The following CCNK variants were observed in gnomAD, a reference collection of about 807,000 sequenced individuals.
CCNK encodes the protein cyclin-K.
In CCNK, 9 loss-of-function variants were observed where a neutral mutation model predicts 65.0. The observed-to-expected ratio is 0.14, with a 90% confidence interval of 0.08 to 0.24. CCNK has a LOEUF of 0.24. CCNK is among the 10% of genes least tolerant of loss of function. The pLI, the probability that CCNK is intolerant of heterozygous loss-of-function variation, is 1.00. For missense variants in CCNK, 474 were observed against 720.0 expected, an observed-to-expected ratio of 0.66 and a Z score of 3.91; for synonymous variants, 279 against 270.8, an observed-to-expected ratio of 1.03 and a Z score of -0.30.
intron 8 of CCNK, chr14:99,503,278 G>A (rs1190942381): frequency 3.8e-5 from 24 of 623,650 alleles, no homozygotes; most frequent in Middle Eastern, 4.3e-4. Flanking sequence ...TAGCAGTGTC[G>A]TTGTGCATGC....
Position 99,510,223 on chromosome 14 carries a change from A to G in CCNK, c.1184A>G (p.Asp395Gly). 1 of 1,594,924 alleles carries G rather than the reference A, an allele frequency of 6.3e-7. No individual in the cohort carries two copies. The highest frequency in any genetic ancestry group is 8.5e-7 in the Non-Finnish European group (1 of 1,174,394). ...CCGCCGGGCCCTGTGGATGCCACTG[A>G]CCTCCCCAAAGTCCAGATTCCCCCT... ...AEPPGPVDAT[D>G]LPKVQIPPPA... Residue 395 changes from aspartate to glycine, a missense_variant, in exon 11 of 11, where the codon GAC (aspartate) becomes GGC (glycine). Around this residue, in one of 6 missense-constraint regions of CCNK, gnomAD observed 229 missense variants for 275.5 expected, o/e 0.83. Transcript: ENST00000389879.
intron 3 of CCNK, 33 bp downstream of exon 3, chr14:99,493,628 C>T (rs375306155): frequency 7.3e-6 from 10 of 1,378,572 alleles, no homozygotes; most frequent in African/African-American, 7.2e-5. Flanking sequence ...AATTCTCTGT[C>T]ATATGTTATT....
rs749646615 is a variant in CCNK at position 99,507,085 on chromosome 14, C to T, written c.1055C>T (p.Pro352Leu). Reference protein sequence around the residue: ...KEENKAAEPPPPKIPKIETTH... With the variant: ...KEENKAAEPPLPKIPKIETTH... ...TGCTTTTTCTTTGTAGAACCACCACCACCTAAAATCCCCAAAATTGAGACC... is the reference window on the plus strand; with the variant it reads ...TGCTTTTTCTTTGTAGAACCACCACTACCTAAAATCCCCAAAATTGAGACC... The change falls in exon 10 of 11, where the codon CCA becomes CTA. Residue 352 changes from proline (P) to leucine (L), a missense_variant. By Grantham distance (98) the Pro-to-Leu change is moderately conservative. Transcript: ENST00000389879. 2 of 1,606,262 alleles carry T rather than the reference C, an allele frequency of 1.2e-6. No individual in the cohort carries two copies. Among genetic ancestry groups the T allele is most frequent in the Admixed American group, 3.3e-5 (2 of 60,008 alleles).
At chr14:99,481,560 C>G in intron 1 of CCNK, 81 bp downstream of exon 1, 1 of 398,332 alleles carries the variant, frequency 2.5e-6, no homozygotes. Context: ...CCAACCGCCG[C>G]TATCCACTGG....
chr14:99,498,988 G>A (rs1896761036), intron 4 of CCNK, among the ~76,000 whole-genome samples: 1 of 152,200 alleles, frequency 6.6e-6, no homozygotes, highest in Admixed American at 6.5e-5. Flanking sequence ...TAGAGGAAGT[G>A]TTGAAGCTTC....
At chr14:99,484,907 G>A (rs983980668) in intron 1 of CCNK, among the ~76,000 whole-genome samples, 8 of 152,176 alleles carry the variant, frequency 5.3e-5, no homozygotes, top group African/African-American at 1.9e-4. Flanking sequence ...ATTCCTGAAA[G>A]GTGCTGCTAA....
At position 99,510,356 on chromosome 14, in the gene CCNK, G is replaced by C. The variant is rs1367318907; in HGVS notation, c.1317G>C (p.Met439Ile). The C allele has an allele frequency of 6.4e-7, 1 of 1,572,824 alleles. No individual in the cohort carries two copies. Among genetic ancestry groups the C allele is most frequent in the Non-Finnish European group, 8.6e-7 (1 of 1,160,998 alleles). Residue 439 changes from methionine to isoleucine, a missense_variant, in exon 11 of 11, where the codon ATG (methionine) becomes ATC (isoleucine). Physicochemically the swap from Met to Ile is conservative, Grantham distance 10 (BLOSUM62 1). Around this residue, in one of 6 missense-constraint regions of CCNK, gnomAD observed 229 missense variants for 275.5 expected, o/e 0.83. Transcript: ENST00000389879. The stretch of plus-strand genomic sequence containing the variant: ...GGATGTCCACCACCAGCTCCTACAT[G>C]TCTGGAGAGGGCTACCAGAGCCTGC... ...MTGMSTTSSY[M>I]SGEGYQSLQS...
Position 99,492,773 on chromosome 14 carries a change from T to C in CCNK, c.96T>C (p.Ala32=). The C allele has an allele frequency of 6.2e-7, 1 of 1,613,520 alleles. No homozygotes were observed. Among genetic ancestry groups the C allele is most frequent in the Non-Finnish European group, 8.5e-7 (1 of 1,179,760 alleles). Residue 32 remains alanine, a synonymous_variant, in exon 2 of 11, where the codon GCT becomes GCC. Coordinates refer to ENST00000389879, the MANE Select transcript of CCNK (RefSeq NM_001099402.2). The part of the protein sequence containing the change: ...PCWYWDKKDL[A]HTPSQLEGLD... ...GGTACTGGGATAAGAAAGACTTGGC[T>C]CATACACCCTCACAACTTGAAGGAC...
chr14:99,495,640 T>C lies in CCNK; in HGVS notation c.411+11T>C. ...GGAGATGACCCAAAGGTAAGAATGA[T>C]AATAACTTCCTGCCTTCTGGTCTTG... On this transcript the variant is annotated intron_variant, in intron 4 of 10. Transcript: ENST00000389879. 4.4e-6 allele frequency: 7 copies of C among 1,597,664 alleles called. No homozygotes were observed. Among genetic ancestry groups the C allele is most frequent in the Non-Finnish European group, 6.0e-6 (7 of 1,173,486 alleles).
intron 10 of CCNK, chr14:99,508,704 G>A (rs1398491311): frequency 6.6e-6 from 1 of 152,430 alleles, no homozygotes; most frequent in Non-Finnish European, 1.5e-5. Flanking sequence ...AGGGAATGGG[G>A]TGCCCAGGAG....
chr14:99,502,552 G>A (rs1397338355), intron 7 of CCNK, 167 bp from the exon 8 acceptor site: 3 of 1,275,408 alleles, frequency 2.4e-6, no homozygotes, highest in Non-Finnish European at 3.2e-6. Flanking sequence ...CATACTTTTG[G>A]TAAACTAAAA....
intron 1 of CCNK, among the ~76,000 whole-genome samples, chr14:99,481,899 C>A (rs74424851): frequency 2.2e-4 from 33 of 152,286 alleles, no homozygotes; most frequent in African/African-American, 7.7e-4. Flanking sequence ...GAGGTTGTTC[C>A]ATGTCTAGGG....
At chr14:99,507,437 C>A in intron 10 of CCNK, 1 of 403,472 alleles carries the variant, frequency 2.5e-6, no homozygotes, top group Non-Finnish European at 4.7e-6. Flanking sequence ...TGGTAGCACA[C>A]ACCTGTAGTC....
intron 2 of CCNK, 39 bp from the exon 3 acceptor site, chr14:99,493,475 G>T (rs752516090): frequency 2.3e-6 from 3 of 1,330,970 alleles, no homozygotes; most frequent in Non-Finnish European, 3.2e-6. Context: ...AGTATAACCT[G>T]TAAAAGTTAT....
chr14:99,496,739 TAA>T (rs891974809), intron 4 of CCNK, among the ~76,000 whole-genome samples: 1 of 140,598 alleles, frequency 7.1e-6, no homozygotes, highest in Non-Finnish European at 1.6e-5. Context: ...AATATTACTT[TAA>T]AAAAAAAAAA....
chr14:99,500,858 A>G lies in CCNK; in HGVS notation c.504A>G (p.Ala168=). Residue 168 remains alanine (A), a synonymous_variant, in exon 5 of 11, where the codon GCA becomes GCG. Transcript: ENST00000389879. The part of the protein sequence containing the change: ...EHPYQFLLKY[A]KQLKGDKNKI... ...CATACCAGTTCCTACTAAAATATGC[A>G]AAGCAACTCAAAGGTAAGAAGAAAG... The G allele has an allele frequency of 3.3e-6, 5 of 1,532,238 alleles. No individual in the cohort carries two copies. Among genetic ancestry groups the G allele is most frequent in the Non-Finnish European group, 4.4e-6 (5 of 1,133,048 alleles). 94.9% of individuals were successfully genotyped at this position (1,532,238 alleles called of 1,614,324 possible). A position where few individuals can be genotyped will look rare whatever the true frequency, so the allele number is the denominator to read the frequency against.
chr14:99,494,196 T>C (rs1259791628), intron 3 of CCNK: 2 of 152,214 alleles, frequency 1.3e-5, no homozygotes, highest in African/African-American at 2.4e-5. Flanking sequence ...CATGCCGTGA[T>C]GGGCTAGGTC....
Position 99,502,591 on chromosome 14 carries a change from A to T in CCNK, c.746-128A>T, listed in dbSNP as rs564304207. 5 of 1,201,676 alleles carry T rather than the reference A, an allele frequency of 4.2e-6. No homozygotes were observed. The East Asian group carries it at 1.3e-4, about 31-fold the overall frequency. The allele number at this position is 1,201,676 out of a possible 1,614,324, so 74.4% of individuals were successfully genotyped here. On this transcript the variant is annotated intron_variant, in intron 7 of 10. Coordinates refer to ENST00000389879, the MANE Select transcript of CCNK (RefSeq NM_001099402.2). ...CACACCAGTGTTGCACACAACGAAG[A>T]TGGGGTGAGTTGTAAATGTGATTCA...
intron 10 of CCNK, chr14:99,507,361 G>C: frequency 5.4e-6 from 3 of 553,296 alleles, no homozygotes; most frequent in Non-Finnish European, 9.8e-6. Flanking sequence ...AGAATCACCT[G>C]ACCCCAGGAG....
Sources: gnomAD v4.1 joint callset for allele counts (sites outside exome capture counted in the v4.1 genomes callset) on GRCh38, gnomAD v4.1.1 for gene constraint, gnomAD v4.1.1 regional missense constraint, MANE v1.5 for transcripts, NCBI Gene and HGNC (gene_info 2026-07-23, HGNC 2026-07-21) for gene names.